The following MAD1L1 variants were observed in gnomAD, a reference collection of about 807,000 sequenced individuals.
The protein encoded by MAD1L1 is mitotic spindle assembly checkpoint protein MAD1.
Under a neutral mutation model 96.9 loss-of-function variants are expected in MAD1L1, and 95 were observed. That is an observed-to-expected ratio of 0.98 (90% CI 0.83 to 1.16). The LOEUF is 1.16. MAD1L1 is among the 50% of genes most tolerant of loss of function. The probability of loss-of-function intolerance (pLI) is 0.00; values close to 1 mark genes in which losing one functional copy is unlikely to be tolerated. For synonymous variants in MAD1L1, 473 were observed against 396.6 expected (o/e 1.19, Z -2.29); for missense variants, 1,007 against 954.4 (o/e 1.06, Z -0.73).
rs372732394 is a variant in MAD1L1 at position 1,959,884 on chromosome 7, C to T, written c.1506-2165G>A. Among the ~76,000 whole-genome samples the T allele has an allele frequency of 2.0e-5, 3 of 152,174 alleles. No homozygotes were observed. In the East Asian group the frequency reaches 5.8e-4, roughly 29 times the overall value. ...ACCAGGAGGGCTGGAACAGCAGCTG[C>T]ATTTAGGGAGGATCTTTCTTACATT... On this transcript the variant is annotated intron_variant, in intron 15 of 18. Transcript: ENST00000265854.
chr7:1,940,331 G>C (rs1206395218), intron 16 of MAD1L1: 1 of 152,262 alleles, frequency 6.6e-6, no homozygotes, highest in African/African-American at 2.4e-5. Flanking sequence ...AACCTCAGAG[G>C]ATGAAGAGAC....
At chr7:2,039,471 C>T (rs1320208195) in intron 12 of MAD1L1, among the ~76,000 whole-genome samples, 1 of 152,168 alleles carries the variant, frequency 6.6e-6, no homozygotes, top group Non-Finnish European at 1.5e-5. Flanking sequence ...CTGTCACTCT[C>T]CCATCAGCAA....
In MAD1L1 at chr7:2,216,006, G is replaced by A; in HGVS notation, c.810-7C>T. The A allele has an allele frequency of 6.2e-7, 1 of 1,613,800 alleles. No homozygotes were observed. Among genetic ancestry groups the A allele is most frequent in the African/African-American group, 1.3e-5 (1 of 75,022 alleles). On this transcript the variant is annotated splice_region_variant and splice_polypyrimidine_tract_variant and intron_variant, in intron 8 of 18. Coordinates refer to ENST00000265854, the MANE Select transcript of MAD1L1 (RefSeq NM_001013836.2). ...GTTGGTCTCTCTCATCTCCCTGGCA[G>A]TGCCACAAAGAGTCGCTCAAATAGC...
intron 14 of MAD1L1, among the ~76,000 whole-genome samples, chr7:1,988,865 G>A (rs1781278982): frequency 6.6e-6 from 1 of 152,214 alleles, no homozygotes; most frequent in Non-Finnish European, 1.5e-5. Flanking sequence ...GCTGCAGGAG[G>A]CAGGGCCACG....
chr7:2,074,706 C>T (rs534396983), intron 11 of MAD1L1, among the ~76,000 whole-genome samples: 4 of 152,374 alleles, frequency 2.6e-5, no homozygotes, highest in South Asian at 4.1e-4. Context: ...GCCCTGGCAC[C>T]GCAAAGTAGG....
intron 12 of MAD1L1, among the ~76,000 whole-genome samples, chr7:2,055,980 A>AAAAT (rs911175894): frequency 6.6e-5 from 10 of 152,194 alleles, no homozygotes; most frequent in Non-Finnish European, 1.2e-4. Context: ...CTCCATCTCA[A>AAAAT]AAATAAATAA....
rs1787204482 is a variant in MAD1L1, at chr7:2,108,369, G to A, written c.1074-39031C>T. On this transcript the variant is annotated intron_variant, in intron 11 of 18. Coordinates refer to ENST00000265854, the MANE Select transcript of MAD1L1 (RefSeq NM_001013836.2). ...TCAGAATCAGCACAGATGTTCTACT[G>A]GAGGACAGAGAGGAAGATGAGTGGC... Among the ~76,000 whole-genome samples, 3 of 152,172 alleles carry A rather than the reference G, an allele frequency of 2.0e-5. No individual in the cohort carries two copies. The South Asian group carries it at 6.2e-4, about 32-fold the overall frequency.
intron 15 of MAD1L1, among the ~76,000 whole-genome samples, chr7:1,966,621 C>G (rs1780180217): frequency 7.9e-6 from 1 of 126,010 alleles, no homozygotes; most frequent in African/African-American, 3.0e-5. Flanking sequence ...AAACTCCAAA[C>G]AGAATAAACC....
chr7:1,880,760 T>G lies in MAD1L1; in HGVS notation c.1998+17440A>C, dbSNP rs563027045. 2.0e-5 allele frequency among the ~76,000 whole-genome samples: 3 copies of G among 152,296 alleles called. No individual in the cohort carries two copies. In the East Asian group the frequency reaches 5.8e-4, roughly 29 times the overall value. ...GCAAGCTGTAGGGCGTCCCAGTCACTCACAGGACCCTGTGGAGGCAGGGAT... is the reference window on the plus strand; with the variant it reads ...GCAAGCTGTAGGGCGTCCCAGTCACGCACAGGACCCTGTGGAGGCAGGGAT... On this transcript the variant is annotated intron_variant, in intron 18 of 18. Transcript: ENST00000265854.
chr7:1,923,504 C>T (rs1788919186), intron 17 of MAD1L1, among the ~76,000 whole-genome samples: 1 of 149,934 alleles, frequency 6.7e-6, no homozygotes, highest in Non-Finnish European at 1.5e-5. Flanking sequence ...ACCCCGCGCT[C>T]TTCCGCCCCG....
At chr7:2,194,935 A>G (rs556316839) in intron 10 of MAD1L1, among the ~76,000 whole-genome samples, 1 of 152,166 alleles carries the variant, frequency 6.6e-6, no homozygotes, top group South Asian at 2.1e-4. Flanking sequence ...CAATAATACA[A>G]AAATTAGCCA....
intron 12 of MAD1L1, among the ~76,000 whole-genome samples, chr7:2,022,289 T>A (rs1359117498): frequency 6.6e-6 from 1 of 152,214 alleles, no homozygotes; most frequent in Non-Finnish European, 1.5e-5. Flanking sequence ...TGTGACCTGG[T>A]CAAAGGCCAT....
At chr7:1,874,144 G>A (rs932285334) in intron 18 of MAD1L1, among the ~76,000 whole-genome samples, 16 of 152,182 alleles carry the variant, frequency 1.1e-4, no homozygotes, top group Admixed American at 5.9e-4. Flanking sequence ...GATGGAAAAC[G>A]AAGGTCAGGC....
chr7:2,180,829 T>C (rs1163688318), intron 10 of MAD1L1, among the ~76,000 whole-genome samples: 2 of 152,226 alleles, frequency 1.3e-5, no homozygotes, highest in Admixed American at 6.5e-5. Flanking sequence ...TATAAAATCA[T>C]GTCTTCTGCA....
At position 1,885,461 on chromosome 7, in the gene MAD1L1, G is replaced by A. The variant is rs115997372; in HGVS notation, c.1998+12739C>T. 3.2e-3 allele frequency among the ~76,000 whole-genome samples: 467 copies of A among 148,058 alleles called. 1 individual carries two copies. The highest frequency in any genetic ancestry group is 0.011 in the African/African-American group (448 of 39,062). The stretch of plus-strand genomic sequence containing the variant: ...GAGGCCAGTGCACTCAGACAGGAGA[G>A]AAGTCCAGGGGGCTGGGCTGCGGGT... On this transcript the variant is annotated intron_variant, in intron 18 of 18. Transcript: ENST00000265854.
chr7:2,042,158 CAT>C lies in MAD1L1; in HGVS notation c.1218+27034_1218+27035del, dbSNP rs200481248. Among the ~76,000 whole-genome samples the C allele has an allele frequency of 9.6e-3, 1,428 of 148,330 alleles. 50 individuals carry two copies. The East Asian group carries it at 0.11, about 11-fold the overall frequency. On this transcript the variant is annotated intron_variant, in intron 12 of 18. Transcript: ENST00000265854. ...ACACGGACATGCAGACATGCACACACATATGTACACACATACACATGCACACA... is the reference window on the plus strand; with the variant it reads ...ACACGGACATGCAGACATGCACACACATGTACACACATACACATGCACACA...
At chr7:1,939,256 G>C (rs1778819141) in intron 16 of MAD1L1, among the ~76,000 whole-genome samples, 1 of 142,728 alleles carries the variant, frequency 7.0e-6, no homozygotes, top group East Asian at 2.2e-4. Flanking sequence ...CCAGGGCCGG[G>C]ACCAGAGGCG....
At chr7:1,924,721 A>T (rs1403175) in intron 17 of MAD1L1, among the ~76,000 whole-genome samples, 125,451 of 152,076 alleles carry the variant, frequency 0.82, 51,895 homozygotes, top group East Asian at 0.89. Flanking sequence ...CTTATGTTTT[A>T]TAAAATAGGC....
At chr7:1,916,550 C>A (rs1002648365) in intron 17 of MAD1L1, among the ~76,000 whole-genome samples, 1 of 152,186 alleles carries the variant, frequency 6.6e-6, no homozygotes, top group Non-Finnish European at 1.5e-5. Context: ...CGGGGACACA[C>A]GCCCAGCAGA....
Sources: gnomAD v4.1 joint callset for allele counts (sites outside exome capture counted in the v4.1 genomes callset) on GRCh38, gnomAD v4.1.1 for gene constraint, MANE v1.5 for transcripts, NCBI Gene and HGNC (gene_info 2026-07-23, HGNC 2026-07-21) for gene names.